GLMN: variants seen among roughly 807,000 people sequenced by gnomAD.
The protein encoded by GLMN is glomulin, FKBP associated protein.
A neutral mutation model predicts 87.8 loss-of-function variants in GLMN; 75 were observed. The observed-to-expected ratio is 0.85, with a 90% CI of 0.71 to 1.04. GLMN has a LOEUF of 1.04. GLMN is among the 50% of genes least tolerant of loss of function. GLMN has a pLI of 0.00. For synonymous variants in GLMN, 206 were observed against 221.6 expected, an observed-to-expected ratio of 0.93 and a Z score of 0.63; for missense variants, 588 against 658.8, an observed-to-expected ratio of 0.89 and a Z score of 1.18.
In GLMN at chr1:92,262,892, C is replaced by A; in HGVS notation, c.1444G>T (p.Val482Phe). The A allele has an allele frequency of 8.6e-7, 1 of 1,163,528 alleles. No individual in the cohort carries two copies. Among genetic ancestry groups the A allele is most frequent in the Non-Finnish European group, 1.3e-6 (1 of 774,350 alleles). 72.1% of individuals were successfully genotyped at this position (1,163,528 alleles called of 1,614,324 possible). A position where few individuals can be genotyped will look rare whatever the true frequency, so the allele number is the denominator to read the frequency against. ...MASLNLLRYLVIKDNENDNQT... is the reference protein window; with the variant it reads ...MASLNLLRYLFIKDNENDNQT... ...TTGTCATTTTCATTATCTTTGATAA[C>A]CAAATACCTCAATAAATTTAATGAA... The change falls in exon 16 of 19, where the codon GTT (valine) becomes TTT (phenylalanine). Residue 482 changes from valine (V) to phenylalanine (F), a missense_variant. By Grantham distance (50) the Val-to-Phe change is conservative. Transcript: ENST00000370360.
intron 5 of GLMN, among the ~76,000 whole-genome samples, chr1:92,289,682 C>T (rs1649176312): frequency 6.6e-6 from 1 of 152,160 alleles, no homozygotes; most frequent in South Asian, 2.1e-4. Context: ...TGCTAAGACC[C>T]ATTACCTACC....
Position 92,284,629 on chromosome 1 carries a change from T to G in GLMN, c.735+1861A>C, listed in dbSNP as rs527340664. ...AGCCAAAATAGACAAATGGGATTAA[T>G]TAAACTAAAGAGCTTCTGCACAGCA... On this transcript the variant is annotated intron_variant, in intron 7 of 18. Coordinates refer to ENST00000370360, the MANE Select transcript of GLMN (RefSeq NM_053274.3). Among the ~76,000 whole-genome samples, 4 of 152,248 alleles carry G rather than the reference T, an allele frequency of 2.6e-5. No individual in the cohort carries two copies. The East Asian group carries it at 7.7e-4, about 29-fold the overall frequency.
Position 92,288,939 on chromosome 1 carries a change from T to A in GLMN, c.607A>T (p.Lys203Ter). 6.3e-7 allele frequency: 1 copy of A among 1,590,552 alleles called. No individual in the cohort carries two copies. The highest frequency in any genetic ancestry group is 8.6e-7 in the Non-Finnish European group (1 of 1,158,822). Residue 203 changes from lysine (K) to a stop codon, truncating the protein, a stop_gained, in exon 6 of 19, where the codon AAG (lysine) becomes TAG (stop). Coordinates refer to ENST00000370360, the MANE Select transcript of GLMN (RefSeq NM_053274.3). LOFTEE classifies it high-confidence loss of function. ...AATTTCAGTAATTCATCCTTTAACT[T>A]TTCATTTTCCAGTGAGTTTTCTTTG... is the stretch of plus-strand genomic sequence containing the variant. ...DNKENSLENE[K>*]LKDELLKFCF...
At chr1:92,336,530 G>A in the GLMN span, 2 of 741,214 alleles carry the variant, frequency 2.7e-6, no homozygotes. Flanking sequence ...ACCTTTCAAT[G>A]TCACAGATCT....
intron 6 of GLMN, among the ~76,000 whole-genome samples, chr1:92,288,630 T>G (rs1649050155): frequency 6.6e-6 from 1 of 152,056 alleles, no homozygotes; most frequent in Non-Finnish European, 1.5e-5. Flanking sequence ...GGTCTCACTA[T>G]GTTGCCAAGG....
At position 92,247,143 on chromosome 1, in the gene GLMN, C is replaced by T. The variant is rs1190454189; in HGVS notation, c.1587G>A (p.Glu529=). The T allele has an allele frequency of 5.3e-6, 8 of 1,499,050 alleles. 1 individual carries two copies. In the South Asian group the frequency reaches 9.0e-5, roughly 17 times the overall value. The allele number at this position is 1,499,050 out of a possible 1,614,324, so 92.9% of individuals were successfully genotyped here. A position where few individuals can be genotyped will look rare whatever the true frequency, so the allele number is the denominator to read the frequency against. Residue 529 remains glutamate, a splice_region_variant and synonymous_variant, in exon 18 of 19, where the codon GAG becomes GAA. Transcript: ENST00000370360. ...HYEAEIKNSQ[E]AQKSKDLCSI... ...AACAAAGATCTTTAGATTTCTGGGC[C>T]TCTGTAAGAGAAGAAAAATCATGTG...
chr1:92,262,478 T>C (rs1049778839), intron 16 of GLMN, among the ~76,000 whole-genome samples: 3 of 152,248 alleles, frequency 2.0e-5, no homozygotes, highest in African/African-American at 7.2e-5. Context: ...CAATTTGTCA[T>C]GTCTGATGAG....
the GLMN span, chr1:92,345,874 C>T: frequency 6.2e-7 from 1 of 1,604,682 alleles, no homozygotes; most frequent in Non-Finnish European, 8.5e-7. Context: ...TATACACAAA[C>T]CTGCGGAATG....
intron 7 of GLMN, 147 bp downstream of exon 7, chr1:92,286,343 C>G (rs971465845): frequency 2.4e-6 from 1 of 418,462 alleles, no homozygotes; most frequent in African/African-American, 2.1e-5. Context: ...AAAATTATTG[C>G]TGTTTTATTT....
the GLMN span, among the ~76,000 whole-genome samples, chr1:92,308,188 C>A: frequency 6.6e-6 from 1 of 152,144 alleles, no homozygotes; most frequent in East Asian, 1.9e-4. Flanking sequence ...TGATGGCAGA[C>A]ACCTCTGCCT....
At chr1:92,355,510 G>A in the GLMN span, among the ~76,000 whole-genome samples, 1 of 152,158 alleles carries the variant, frequency 6.6e-6, no homozygotes, top group African/African-American at 2.4e-5. Context: ...GAGTTCCATG[G>A]TGACACTGTC....
At chr1:92,311,021 C>T in the GLMN span, among the ~76,000 whole-genome samples, 1 of 152,190 alleles carries the variant, frequency 6.6e-6, no homozygotes, top group Non-Finnish European at 1.5e-5. Context: ...AGCAAAACTT[C>T]TGTGAAACAA....
upstream of GLMN, chr1:92,299,274 G>A: frequency 2.1e-6 from 1 of 469,866 alleles, no homozygotes; most frequent in Admixed American, 4.2e-5. Flanking sequence ...GGTAGAGTAG[G>A]CCGAAAGCTT....
chr1:92,269,917 C>A, intron 8 of GLMN, 141 bp from the exon 9 acceptor site: 1 of 640,388 alleles, frequency 1.6e-6, no homozygotes. Flanking sequence ...CAGAATTTGA[C>A]CTTATTTGGA....
At chr1:92,251,024 G>A (rs1341825080) in intron 16 of GLMN, among the ~76,000 whole-genome samples, 1 of 152,086 alleles carries the variant, frequency 6.6e-6, no homozygotes, top group Non-Finnish European at 1.5e-5. Context: ...TCTGATTTTT[G>A]TTAAGGTAAT....
At chr1:92,263,389 C>T (rs1334834921) in intron 15 of GLMN, among the ~76,000 whole-genome samples, 6 of 152,124 alleles carry the variant, frequency 3.9e-5, no homozygotes, top group Non-Finnish European at 8.8e-5. Context: ...ATGCTGGGTA[C>T]ATAAAAGCTA....
chr1:92,302,206 G>A (rs1027018351), upstream of GLMN, among the ~76,000 whole-genome samples: 2 of 152,032 alleles, frequency 1.3e-5, no homozygotes, highest in Admixed American at 6.6e-5. Flanking sequence ...GAACTCAGGA[G>A]GCAGACGTTG....
At chr1:92,367,489 TCTC>T in the GLMN span, among the ~76,000 whole-genome samples, 2 of 152,170 alleles carry the variant, frequency 1.3e-5, no homozygotes, top group East Asian at 3.8e-4. Flanking sequence ...CTTCCTACCT[TCTC>T]CTTCCCAGCC....
intron 16 of GLMN, among the ~76,000 whole-genome samples, chr1:92,252,351 G>A (rs1438511215): frequency 6.6e-5 from 10 of 151,948 alleles, no homozygotes; most frequent in East Asian, 1.9e-4. Flanking sequence ...CCGTGATTGC[G>A]CCACTGCACT....
Sources: allele counts gnomAD v4.1 joint callset (sites outside exome capture counted in the v4.1 genomes callset), GRCh38; gene constraint gnomAD v4.1.1; transcripts MANE v1.5; gene names NCBI Gene and HGNC (gene_info 2026-07-23, HGNC 2026-07-21).